The following WIPF2 variants were observed in gnomAD, a reference collection of about 807,000 sequenced individuals.
WIPF2 encodes WAS/WASL interacting protein family member 2.
WIPF2 carries 23 observed loss-of-function variants against 38.8 expected under a neutral mutation model. The observed-to-expected ratio is 0.59, with a 90% CI of 0.43 to 0.84. The LOEUF (loss-of-function observed/expected upper bound fraction) is 0.84. Among genes scored for constraint, WIPF2 ranks in the 40% least tolerant of loss-of-function variants. WIPF2 has a pLI of 0.00. For synonymous variants in WIPF2, 210 were observed against 223.2 expected, an observed-to-expected ratio of 0.94 and a Z score of 0.53; for missense variants, 574 against 580.5, an observed-to-expected ratio of 0.99 and a Z score of 0.11.
chr17:40,263,449 G>A (rs1412123865), intron 4 of WIPF2, among the ~76,000 whole-genome samples: 1 of 151,956 alleles, frequency 6.6e-6, no homozygotes, highest in Non-Finnish European at 1.5e-5. Flanking sequence ...CTGTACAGGT[G>A]CATGGCCCCA....
At chr17:40,241,988 T>G (rs1598476531) in intron 1 of WIPF2, among the ~76,000 whole-genome samples, 1 of 152,166 alleles carries the variant, frequency 6.6e-6, no homozygotes, top group African/African-American at 2.4e-5. Flanking sequence ...AGTTCTCAGT[T>G]CTTGGAAATC....
rs567960367 is a variant in WIPF2 at position 40,282,781 on chromosome 17, G to A, written c.*4556G>A. On this transcript the variant is annotated 3_prime_UTR_variant, in exon 8 of 8. Coordinates refer to ENST00000323571, the MANE Select transcript of WIPF2 (RefSeq NM_133264.5). ...CCTTTGCCTCATAATTTGGGTAAGTGTAGTGGTTTGATTCCAGGTCCCTTG... is the reference window on the plus strand; with the variant it reads ...CCTTTGCCTCATAATTTGGGTAAGTATAGTGGTTTGATTCCAGGTCCCTTG... 6.6e-6 allele frequency: 1 copy of A among 152,308 alleles called. No individual in the cohort carries two copies. The highest frequency in any genetic ancestry group is 1.5e-5 in the Non-Finnish European group (1 of 68,038). The allele number at this position is 152,308 out of a possible 1,614,324, so 9.4% of individuals were successfully genotyped here.
At chr17:40,231,426 T>C (rs930769102) in intron 1 of WIPF2, among the ~76,000 whole-genome samples, 5 of 134,180 alleles carry the variant, frequency 3.7e-5, no homozygotes, top group Admixed American at 1.5e-4. Flanking sequence ...CTTTTCTACC[T>C]TTTTTTTTTT....
intron 5 of WIPF2, among the ~76,000 whole-genome samples, chr17:40,267,714 A>G (rs1430495401): frequency 1.3e-5 from 2 of 152,108 alleles, no homozygotes; most frequent in Non-Finnish European, 2.9e-5. Context: ...TAATTTTTGT[A>G]TTTTTAGTAG....
intron 5 of WIPF2, among the ~76,000 whole-genome samples, chr17:40,269,274 T>A (rs181669071): frequency 5.9e-5 from 9 of 152,120 alleles, no homozygotes; most frequent in Admixed American, 2.6e-4. Context: ...GAGCTAAGAT[T>A]GCACCACTGC....
chr17:40,220,618 T>TATATATATATATAC (rs2030182395), intron 1 of WIPF2: 2 of 112,668 alleles, frequency 1.8e-5, no homozygotes, highest in Non-Finnish European at 3.6e-5. Context: ...TATATATATA[T>TATATATATATATAC]GTATATATAT....
chr17:40,228,475 C>T (rs1184141010), intron 1 of WIPF2, among the ~76,000 whole-genome samples: 2 of 152,114 alleles, frequency 1.3e-5, no homozygotes, highest in Non-Finnish European at 2.9e-5. Context: ...ATGACTGTGT[C>T]TGTAGGGTAA....
Position 40,264,554 on chromosome 17 carries a change from A to G in WIPF2, c.378A>G (p.Pro126=), listed in dbSNP as rs139121244. 50 of 1,613,968 alleles carry G rather than the reference A, an allele frequency of 3.1e-5. No individual in the cohort carries two copies. Among genetic ancestry groups the G allele is most frequent in the African/African-American group, 4.0e-5 (3 of 74,866 alleles). Residue 126 remains proline (P), a synonymous_variant, in exon 5 of 8, where the codon CCA becomes CCG. Transcript: ENST00000323571. The part of the protein sequence containing the change: ...PSSRAAAPRP[P]VSAASGRPQD... ...CTCGAGCTGCTGCCCCAAGGCCTCCAGTATCTGCCGCCAGCGGGCGTCCTC... is the reference window on the plus strand; with the variant it reads ...CTCGAGCTGCTGCCCCAAGGCCTCCGGTATCTGCCGCCAGCGGGCGTCCTC...
At chr17:40,275,267 C>T (rs1216481621) in intron 6 of WIPF2, among the ~76,000 whole-genome samples, 1 of 146,758 alleles carries the variant, frequency 6.8e-6, no homozygotes, top group African/African-American at 2.5e-5. Context: ...AAAAACAAAA[C>T]CCAAAACATT....
chr17:40,240,333 G>A, intron 1 of WIPF2, among the ~76,000 whole-genome samples: 1 of 152,016 alleles, frequency 6.6e-6, no homozygotes, highest in South Asian at 2.1e-4. Context: ...CCAAACTTCT[G>A]GGATTACAGG....
intron 2 of WIPF2, 41 bp downstream of exon 2, chr17:40,256,563 T>C (rs1416654338): frequency 1.9e-6 from 3 of 1,564,780 alleles, no homozygotes; most frequent in African/African-American, 2.8e-5. Context: ...AACCTTTGAG[T>C]AAATAGGTTG....
intron 7 of WIPF2, among the ~76,000 whole-genome samples, chr17:40,277,662 CAG>C (rs1198575597): frequency 2.1e-5 from 3 of 145,586 alleles, no homozygotes; most frequent in Non-Finnish European, 4.5e-5. Flanking sequence ...GCCTGGGTGA[CAG>C]AGGGAGACTC....
Position 40,250,277 on chromosome 17 carries a change from C to T in WIPF2, c.-69-6114C>T, listed in dbSNP as rs1026439377. On this transcript the variant is annotated intron_variant, in intron 1 of 7. Transcript: ENST00000323571. Reference sequence around the variant, plus strand: ...CAAAGTCTCGCTCTGTCAACCCAAGCTGGCGTGCAGTGGCGCATTCTCGGC... The same window carrying T: ...CAAAGTCTCGCTCTGTCAACCCAAGTTGGCGTGCAGTGGCGCATTCTCGGC... 2.4e-5 allele frequency among the ~76,000 whole-genome samples: 3 copies of T among 124,794 alleles called. 1 individual carries two copies. The highest frequency in any genetic ancestry group is 9.6e-5 in the African/African-American group (3 of 31,402). 81.9% of individuals were successfully genotyped at this position (124,794 alleles called of 152,430 possible).
chr17:40,254,295 G>A (rs2145357595), intron 1 of WIPF2, among the ~76,000 whole-genome samples: 1 of 152,236 alleles, frequency 6.6e-6, no homozygotes, highest in South Asian at 2.1e-4. Flanking sequence ...GGGATTACAG[G>A]CATGAGCCAC....
chr17:40,247,512 C>T (rs185705730), intron 1 of WIPF2, among the ~76,000 whole-genome samples: 162 of 149,740 alleles, frequency 1.1e-3, no homozygotes, highest in Non-Finnish European at 1.8e-3. Context: ...AGCCAACGCG[C>T]CTGGCCTTTT....
chr17:40,261,960 G>A (rs9914531), intron 3 of WIPF2, among the ~76,000 whole-genome samples: 19,274 of 150,576 alleles, frequency 0.13, 1,355 homozygotes, highest in East Asian at 0.3. Flanking sequence ...GATTACAGGC[G>A]TGAGCCACCA....
intron 1 of WIPF2, among the ~76,000 whole-genome samples, chr17:40,250,217 A>ATGTTT (rs2031508325): frequency 2.5e-5 from 2 of 80,274 alleles, no homozygotes; most frequent in Admixed American, 1.3e-4. Flanking sequence ...GAATTTTATC[A>ATGTTT]TGTTTTTTTT....
rs149829261 is a variant in WIPF2 at position 40,226,890 on chromosome 17, C to T, written c.-70+7398C>T. ...CTGAGTAGCTGAGATTACAGGTGCA[C>T]GCCACCATGCCCAACTAATTTTTGT... is the stretch of plus-strand genomic sequence containing the variant. On this transcript the variant is annotated intron_variant, in intron 1 of 7. Transcript: ENST00000323571. Among the ~76,000 whole-genome samples, 684 of 151,756 alleles carry T rather than the reference C, an allele frequency of 4.5e-3. 6 individuals are homozygous for T. The highest frequency in any genetic ancestry group is 7.5e-3 in the Non-Finnish European group (509 of 67,946).
At chr17:40,234,422 ACT>A (rs1010302403) in intron 1 of WIPF2, among the ~76,000 whole-genome samples, 3 of 151,618 alleles carry the variant, frequency 2.0e-5, no homozygotes, top group Admixed American at 1.3e-4. Flanking sequence ...ACAGAGTGAG[ACT>A]CTGTCTCAAA....
Sources: allele counts gnomAD v4.1 joint callset (sites outside exome capture counted in the v4.1 genomes callset), GRCh38; gene constraint gnomAD v4.1.1; transcripts MANE v1.5; gene names NCBI Gene and HGNC (gene_info 2026-07-23, HGNC 2026-07-21).